Variants in STARD13 observed in about 807,000 individuals in gnomAD.
The protein encoded by STARD13 is stAR-related lipid transfer protein 13.
Under a neutral mutation model 106.4 loss-of-function variants are expected in STARD13, and 62 were observed. The ratio of observed to expected loss-of-function variants is 0.58; its 90% CI spans 0.48 to 0.72. The LOEUF (loss-of-function observed/expected upper bound fraction) is 0.72, where lower values mean the gene tolerates loss of function less well. STARD13 is among the 30% of genes least tolerant of loss of function. The pLI, the probability that STARD13 is intolerant of heterozygous loss-of-function variation, is 0.00. For synonymous variants in STARD13, 565 were observed against 553.0 expected (o/e 1.02, Z -0.31); for missense variants, 1,387 against 1,424.0 (o/e 0.97, Z 0.42).
chr13:33,655,715 T>C, the STARD13 span, among the ~76,000 whole-genome samples: 1 of 152,180 alleles, frequency 6.6e-6, no homozygotes, highest in East Asian at 1.9e-4. Context: ...AACTGGAACA[T>C]AGTAGATATT....
At chr13:33,181,462 T>G (rs531592881) in intron 1 of STARD13, among the ~76,000 whole-genome samples, 2 of 152,214 alleles carry the variant, frequency 1.3e-5, no homozygotes, top group Non-Finnish European at 2.9e-5. Context: ...CCTAGAGTCT[T>G]GTAAATGGCT....
chr13:33,410,279 A>AT, the STARD13 span, among the ~76,000 whole-genome samples: 5 of 152,358 alleles, frequency 3.3e-5, no homozygotes, highest in African/African-American at 1.2e-4. Flanking sequence ...GTGTCACGGA[A>AT]GATGCTAATG....
At chr13:33,349,147 C>CA (rs2078045498) in exon 2 of STARD13, 2 of 702,378 alleles carry the variant, frequency 2.8e-6, no homozygotes, top group Non-Finnish European at 5.2e-6. Context: ...TCTTTCTAGG[C>CA]ATCAGACCTT....
intron 1 of STARD13, among the ~76,000 whole-genome samples, chr13:33,215,300 C>T (rs1370009406): frequency 6.6e-6 from 1 of 152,116 alleles, no homozygotes; most frequent in Admixed American, 6.6e-5. Flanking sequence ...CTCTGCTCTG[C>T]CCAGCCGGTC....
chr13:33,503,687 C>T, the STARD13 span, among the ~76,000 whole-genome samples: 10 of 152,090 alleles, frequency 6.6e-5, no homozygotes, highest in East Asian at 3.9e-4. Flanking sequence ...TGTAGTTGAG[C>T]GGTTTTAAGT....
intron 3 of STARD13, among the ~76,000 whole-genome samples, chr13:33,146,421 C>T (rs1312049678): frequency 3.3e-5 from 5 of 151,898 alleles, no homozygotes; most frequent in South Asian, 2.1e-4. Context: ...GAGGTCAAGG[C>T]TGCAGTGAGC....
At chr13:33,549,644 T>C in the STARD13 span, among the ~76,000 whole-genome samples, 1 of 152,190 alleles carries the variant, frequency 6.6e-6, no homozygotes, top group Non-Finnish European at 1.5e-5. Flanking sequence ...TTAAGAACCA[T>C]TTTGGCTATT....
At chr13:33,616,456 T>G in the STARD13 span, among the ~76,000 whole-genome samples, 2 of 152,230 alleles carry the variant, frequency 1.3e-5, no homozygotes, top group Admixed American at 6.5e-5. Context: ...ATTCTCTGAA[T>G]GGGAATCTCA....
At chr13:33,466,674 C>T in the STARD13 span, among the ~76,000 whole-genome samples, 1 of 151,936 alleles carries the variant, frequency 6.6e-6, no homozygotes, top group Admixed American at 6.6e-5. Context: ...TACTAACATC[C>T]ATAAAAGTTT....
At chr13:33,445,581 T>C in the STARD13 span, among the ~76,000 whole-genome samples, 1 of 152,098 alleles carries the variant, frequency 6.6e-6, no homozygotes, top group East Asian at 1.9e-4. Flanking sequence ...TGTTTGCGTG[T>C]TGCTACAAAG....
At chr13:33,375,254 A>G in the STARD13 span, among the ~76,000 whole-genome samples, 4 of 152,162 alleles carry the variant, frequency 2.6e-5, no homozygotes, top group African/African-American at 9.7e-5. Flanking sequence ...TGAAGAGGCA[A>G]GTAGGGGTGA....
At chr13:33,146,771 CTAAG>C (rs1240855406) in intron 3 of STARD13, among the ~76,000 whole-genome samples, 1 of 152,150 alleles carries the variant, frequency 6.6e-6, no homozygotes, top group African/African-American at 2.4e-5. Context: ...CTAAGTAACA[CTAAG>C]TGTCTATTTA....
intron 8 of STARD13, among the ~76,000 whole-genome samples, chr13:33,114,835 A>G (rs1875131388): frequency 6.6e-6 from 1 of 151,744 alleles, no homozygotes; most frequent in Non-Finnish European, 1.5e-5. Context: ...CATTATTATT[A>G]TTATTATTTA....
At chr13:33,211,968 CATAAT>C (rs1225882771) in intron 1 of STARD13, among the ~76,000 whole-genome samples, 8 of 152,158 alleles carry the variant, frequency 5.3e-5, no homozygotes, top group Admixed American at 5.2e-4. Flanking sequence ...GAAACAGAAT[CATAAT>C]ATATGTATTA....
intron 1 of STARD13, among the ~76,000 whole-genome samples, chr13:33,307,107 T>TACCA (rs1303742755): frequency 2.6e-5 from 4 of 152,080 alleles, no homozygotes; most frequent in African/African-American, 9.7e-5. Context: ...CACAATGAGA[T>TACCA]ACCATCTCAT....
the STARD13 span, among the ~76,000 whole-genome samples, chr13:33,556,643 C>G: frequency 6.6e-6 from 1 of 152,178 alleles, no homozygotes; most frequent in African/African-American, 2.4e-5. Context: ...TTATAAAAAT[C>G]ATTTTAAACA....
the STARD13 span, among the ~76,000 whole-genome samples, chr13:33,519,205 ATTTTTTCTTTCTT>A: frequency 1.4e-3 from 123 of 86,900 alleles, no homozygotes; most frequent in African/African-American, 5.0e-3. Context: ...CCTCTTGGTA[ATTTTTTCTTTCTT>A]TCTTTCTTTC....
chr13:33,218,774 GA>G (rs1425557566), intron 1 of STARD13, among the ~76,000 whole-genome samples: 2 of 152,180 alleles, frequency 1.3e-5, no homozygotes, highest in Non-Finnish European at 2.9e-5. Context: ...TGTCTGTGAA[GA>G]ACAGATAGTA....
intron 1 of STARD13, among the ~76,000 whole-genome samples, chr13:33,247,975 G>C (rs1889914580): frequency 1.3e-5 from 2 of 152,184 alleles, no homozygotes; most frequent in Admixed American, 1.3e-4. Context: ...TCATCTTCTG[G>C]GGGGTCCTTA....
Sources: allele counts gnomAD v4.1 joint callset (sites outside exome capture counted in the v4.1 genomes callset), GRCh38; gene constraint gnomAD v4.1.1; transcripts MANE v1.5; gene names NCBI Gene and HGNC (gene_info 2026-07-23, HGNC 2026-07-21).